Variants in RIOX2 observed in about 807,000 individuals in gnomAD.
The protein encoded by RIOX2 is 60S ribosomal protein L27a histidine hydroxylase.
A neutral mutation model predicts 51.2 loss-of-function variants in RIOX2; 43 were observed. The observed-to-expected ratio is 0.84, with a 90% confidence interval of 0.66 to 1.08. RIOX2 has a LOEUF of 1.08. Among genes scored for constraint, RIOX2 ranks in the 50% least tolerant of loss-of-function variants. The pLI is 0.00. For synonymous variants in RIOX2, 226 were observed against 218.5 expected, an observed-to-expected ratio of 1.03 and a Z score of -0.30; for missense variants, 566 against 561.7, an observed-to-expected ratio of 1.01 and a Z score of -0.08.
chr3:97,948,661 G>T (rs2040415047), intron 7 of RIOX2, among the ~76,000 whole-genome samples: 1 of 152,124 alleles, frequency 6.6e-6, no homozygotes, highest in African/African-American at 2.4e-5. Context: ...ACATTTAGGA[G>T]ACTTAATCAT....
At chr3:97,952,749 G>GCCTTTCTAT (rs1349834445) in intron 5 of RIOX2, among the ~76,000 whole-genome samples, 6 of 152,258 alleles carry the variant, frequency 3.9e-5, no homozygotes, top group African/African-American at 1.4e-4. Flanking sequence ...CTGTAGCCTG[G>GCCTTTCTAT]AGTTTCTAGG....
Position 97,967,554 on chromosome 3 carries a change from C to G in RIOX2, c.40G>C (p.Glu14Gln). 13 of 1,610,500 alleles carry G rather than the reference C, an allele frequency of 8.1e-6. No individual in the cohort carries two copies. Among genetic ancestry groups the G allele is most frequent in the Non-Finnish European group, 1.1e-5 (13 of 1,178,836 alleles). ...KAKPTGSGKE[E>Q]GPAPCKQMKL... is the part of the protein sequence containing the mutation. ...ATCTGCTTACAGGGAGCCGGCCCCT[C>G]TTCCTTCCCACTCCCTGTAGGCTTT... The change falls in exon 2 of 10, where the codon GAG becomes CAG. Residue 14 changes from glutamate to glutamine, a missense_variant. Physicochemically the swap from Glu to Gln is conservative, Grantham distance 29 (BLOSUM62 2). Coordinates refer to ENST00000394198, the MANE Select transcript of RIOX2 (RefSeq NM_153182.4).
chr3:97,962,994 A>G (rs922687453), intron 2 of RIOX2, among the ~76,000 whole-genome samples: 1 of 152,252 alleles, frequency 6.6e-6, no homozygotes, highest in African/African-American at 2.4e-5. Flanking sequence ...ATGACAACAT[A>G]TTTAAATACT....
chr3:97,971,176 T>C (rs373516035), intron 1 of RIOX2, among the ~76,000 whole-genome samples: 2 of 152,338 alleles, frequency 1.3e-5, no homozygotes, highest in Middle Eastern at 3.4e-3. Flanking sequence ...CAGTAGTTAT[T>C]ACTAAATCGG....
chr3:97,961,601 A>T lies in RIOX2; in HGVS notation c.540T>A (p.Tyr180Ter). 6.2e-7 allele frequency: 1 copy of T among 1,602,602 alleles called. No individual in the cohort carries two copies. The highest frequency in any genetic ancestry group is 8.5e-7 in the Non-Finnish European group (1 of 1,176,986). ...CTCCATCTCTTACCTCGACATCATC[A>T]TAATGGGGCGGCAGGCCCTGAGATC... is the stretch of plus-strand genomic sequence containing the variant. ...PAGSQGLPPH[Y>*]DDVEVFILQL... Residue 180 changes from tyrosine (Y) to a stop codon, truncating the protein, a stop_gained, in exon 3 of 10, where the codon TAT becomes TAA. Coordinates refer to ENST00000394198, the MANE Select transcript of RIOX2 (RefSeq NM_153182.4). LOFTEE classifies it high-confidence loss of function.
chr3:97,945,118 CTCAGGTCTTTGCTTT>C lies in RIOX2; in HGVS notation c.*51_*65del. 7.0e-7 allele frequency: 1 copy of C among 1,425,642 alleles called. No individual in the cohort carries two copies. Among genetic ancestry groups the C allele is most frequent in the Non-Finnish European group, 9.4e-7 (1 of 1,059,472 alleles). 88.3% of individuals were successfully genotyped at this position (1,425,642 alleles called of 1,614,324 possible). On this transcript the variant is annotated 3_prime_UTR_variant, in exon 10 of 10. Transcript: ENST00000394198. The stretch of plus-strand genomic sequence containing the variant: ...AAACTTGAATTCATCCTCTCCTCGG[CTCAGGTCTTTGCTTT>C]TCTTTTAATATATGCATATAAAATA...
chr3:97,959,222 C>A, intron 3 of RIOX2, 43 bp from the exon 4 acceptor site: 3 of 1,574,566 alleles, frequency 1.9e-6, no homozygotes, highest in Non-Finnish European at 2.6e-6. Context: ...AGCTTCCTGA[C>A]AACTCACACA....
At chr3:97,970,338 T>C (rs1041071069) in intron 1 of RIOX2, among the ~76,000 whole-genome samples, 6 of 152,202 alleles carry the variant, frequency 3.9e-5, no homozygotes, top group African/African-American at 1.4e-4. Context: ...TTGAAATGAT[T>C]TGAGGCTCAG....
In RIOX2 at chr3:97,942,172, G is replaced by T; in HGVS notation, c.*3012C>A. On this transcript the variant is annotated 3_prime_UTR_variant, in exon 10 of 10. Coordinates refer to ENST00000394198, the MANE Select transcript of RIOX2 (RefSeq NM_153182.4). ...TACTATATAGTATTTTTTTAGATAAGACACACACACACTTCATGTCTATGA... is the reference window on the plus strand; with the variant it reads ...TACTATATAGTATTTTTTTAGATAATACACACACACACTTCATGTCTATGA... 2.4e-6 allele frequency: 2 copies of T among 835,394 alleles called. No individual in the cohort carries two copies. Among genetic ancestry groups the T allele is most frequent in the Non-Finnish European group, 1.8e-6 (1 of 565,502 alleles). The allele number at this position is 835,394 out of a possible 1,614,324, so 51.7% of individuals were successfully genotyped here.
chr3:97,964,696 TA>T (rs1159985029), intron 2 of RIOX2, among the ~76,000 whole-genome samples: 754 of 60,220 alleles, frequency 0.013, 8 homozygotes, highest in African/African-American at 0.048. Flanking sequence ...GACTCTGTCT[TA>T]AAAAAAAAAA....
At chr3:97,961,733 G>C (rs1054926534) in intron 2 of RIOX2, 25 bp from the exon 3 acceptor site, 1 of 1,569,884 alleles carries the variant, frequency 6.4e-7, no homozygotes, top group African/African-American at 1.4e-5. Context: ...AAAAAAGAAA[G>C]GGTCGGCGTG....
chr3:97,958,132 T>C (rs899326394), intron 4 of RIOX2, among the ~76,000 whole-genome samples: 11 of 152,166 alleles, frequency 7.2e-5, no homozygotes, highest in African/African-American at 2.4e-4. Flanking sequence ...TTGTTTCCCT[T>C]AGTTACTGGG....
chr3:97,945,097 T>G lies in RIOX2; in HGVS notation c.*87A>C. On this transcript the variant is annotated 3_prime_UTR_variant, in exon 10 of 10. Coordinates refer to ENST00000394198, the MANE Select transcript of RIOX2 (RefSeq NM_153182.4). The stretch of plus-strand genomic sequence containing the variant: ...TTAGTAGATACGCAGGTAAGGAAAC[T>G]TGAATTCATCCTCTCCTCGGCTCAG... 7.9e-7 allele frequency: 1 copy of G among 1,270,096 alleles called. No homozygotes were observed. Among genetic ancestry groups the G allele is most frequent in the Non-Finnish European group, 1.1e-6 (1 of 942,966 alleles). The allele number at this position is 1,270,096 out of a possible 1,614,324, so 78.7% of individuals were successfully genotyped here. A position where few individuals can be genotyped will look rare whatever the true frequency, so the allele number is the denominator to read the frequency against.
chr3:97,945,897 A>G lies in RIOX2; in HGVS notation c.1150-10T>C. 6.3e-7 allele frequency: 1 copy of G among 1,580,436 alleles called. No individual in the cohort carries two copies. On this transcript the variant is annotated splice_polypyrimidine_tract_variant and intron_variant, in intron 8 of 9. Transcript: ENST00000394198. ...TTTCTTGAGCTTCATCCTTTGGGGAAAAAATAAATGCATTAGGCCATCAAC... is the reference window on the plus strand; with the variant it reads ...TTTCTTGAGCTTCATCCTTTGGGGAGAAAATAAATGCATTAGGCCATCAAC...
At chr3:97,950,515 C>T (rs1440825650) in intron 6 of RIOX2, among the ~76,000 whole-genome samples, 1 of 152,226 alleles carries the variant, frequency 6.6e-6, no homozygotes, top group African/African-American at 2.4e-5. Flanking sequence ...GTTCTCCTGG[C>T]CGTACTATTC....
chr3:97,952,116 C>A, intron 5 of RIOX2: 1 of 1,190,338 alleles, frequency 8.4e-7, no homozygotes, highest in South Asian at 1.3e-5. Context: ...ACAATGCTAC[C>A]TTGACAGGTG....
chr3:97,954,384 G>C lies in RIOX2; in HGVS notation c.785+8C>G. On this transcript the variant is annotated splice_region_variant and intron_variant, in intron 5 of 9. Coordinates refer to ENST00000394198, the MANE Select transcript of RIOX2 (RefSeq NM_153182.4). ...TCCTAGCATGTGCAGCTGGGAGGCA[G>C]TGTTTACTTGTTCTGGTAGGTGCTG... 6.3e-7 allele frequency: 1 copy of C among 1,598,940 alleles called. No homozygotes were observed.
rs577544691 is a variant in RIOX2, at chr3:97,942,811, G to A, written c.*2373C>T. On this transcript the variant is annotated 3_prime_UTR_variant, in exon 10 of 10. Coordinates refer to ENST00000394198, the MANE Select transcript of RIOX2 (RefSeq NM_153182.4). Reference sequence around the variant, plus strand: ...TAAAAACCCTCAGGTAGAATTTATGGTAGGTATCAATTAACCTTGTTTTTG... The same window carrying A: ...TAAAAACCCTCAGGTAGAATTTATGATAGGTATCAATTAACCTTGTTTTTG... The A allele has an allele frequency of 1.4e-5, 3 of 215,574 alleles. No individual in the cohort carries two copies. In the Admixed American group the frequency reaches 1.7e-4, roughly 12 times the overall value. 13.4% of individuals were successfully genotyped at this position (215,574 alleles called of 1,614,324 possible). A position where few individuals can be genotyped will look rare whatever the true frequency, so the allele number is the denominator to read the frequency against.
Position 97,942,773 on chromosome 3 carries a change from T to A in RIOX2, c.*2411A>T. The A allele has an allele frequency of 4.4e-6, 1 of 228,548 alleles. No homozygotes were observed. The highest frequency in any genetic ancestry group is 8.3e-6 in the Non-Finnish European group (1 of 119,958). The allele number at this position is 228,548 out of a possible 1,614,324, so 14.2% of individuals were successfully genotyped here. ...AACATCTCTAGCTTTTTGCCAGGAA[T>A]TGCCATGGTCCTTAAAAACCCTCAG... On this transcript the variant is annotated 3_prime_UTR_variant, in exon 10 of 10. Coordinates refer to ENST00000394198, the MANE Select transcript of RIOX2 (RefSeq NM_153182.4).
Sources: gnomAD v4.1 joint callset for allele counts (sites outside exome capture counted in the v4.1 genomes callset) on GRCh38, gnomAD v4.1.1 for gene constraint, MANE v1.5 for transcripts, NCBI Gene and HGNC (gene_info 2026-07-23, HGNC 2026-07-21) for gene names.